Variants in TM4SF4 observed in about 807,000 individuals in gnomAD.
TM4SF4 encodes transmembrane 4 L6 family member 4.
In TM4SF4, 24 loss-of-function variants were observed where a neutral mutation model predicts 24.1. The ratio of observed to expected loss-of-function variants is 1.00; its 90% CI spans 0.72 to 1.40. TM4SF4 has a LOEUF of 1.40. Ranked by LOEUF, TM4SF4 falls within the 40% of genes most tolerant of loss-of-function variation. The pLI is 0.00. For missense variants in TM4SF4, 254 were observed against 254.2 expected (o/e 1.00, Z 0.01); for synonymous variants, 113 against 97.0 (o/e 1.17, Z -0.97).
chr3:149,487,586 G>C (rs1308895858), intron 2 of TM4SF4, 33 bp from the exon 3 acceptor site: 13 of 1,613,220 alleles, frequency 8.1e-6, no homozygotes, highest in Middle Eastern at 1.6e-4. Flanking sequence ...GGACCACCTG[G>C]AGAATGTGAC....
At chr3:149,495,083 C>A in intron 3 of TM4SF4, 1 of 257,278 alleles carries the variant, frequency 3.9e-6, no homozygotes, top group South Asian at 5.6e-5. Flanking sequence ...ATGAAACAAC[C>A]AATTGTTGGT....
At chr3:149,491,036 C>T (rs894390483) in intron 3 of TM4SF4, among the ~76,000 whole-genome samples, 1 of 151,904 alleles carries the variant, frequency 6.6e-6, no homozygotes. Context: ...TGTGCATTAT[C>T]TCACCTAATC....
At chr3:149,479,076 G>GT (rs1733985650) in intron 2 of TM4SF4, among the ~76,000 whole-genome samples, 1 of 152,116 alleles carries the variant, frequency 6.6e-6, no homozygotes, top group South Asian at 2.1e-4. Context: ...CGATTGTTCT[G>GT]TTTTTTAATC....
At chr3:149,484,041 A>G (rs755588962) in intron 2 of TM4SF4, among the ~76,000 whole-genome samples, 2 of 152,126 alleles carry the variant, frequency 1.3e-5, no homozygotes, top group Non-Finnish European at 2.9e-5. Context: ...TCAGCCTCCC[A>G]CAGTGCTGGG....
Position 149,499,782 on chromosome 3 carries a change from C to T in TM4SF4, c.591+871C>T, listed in dbSNP as rs544042475. Among the ~76,000 whole-genome samples, 176 of 152,042 alleles carry T rather than the reference C, an allele frequency of 1.2e-3. 2 individuals are homozygous for T. The highest frequency in any genetic ancestry group is 4.1e-3 in the African/African-American group (171 of 41,468). ...TCCAGCTACTCAGGAGACTGAGGCA[C>T]GAGAATCACTTGAATCTGGGAGGCA... is the stretch of plus-strand genomic sequence containing the variant. On this transcript the variant is annotated intron_variant, in intron 4 of 4. Coordinates refer to ENST00000305354, the MANE Select transcript of TM4SF4 (RefSeq NM_004617.4).
At chr3:149,477,428 T>C (rs1219301579) in intron 2 of TM4SF4, among the ~76,000 whole-genome samples, 2 of 152,264 alleles carry the variant, frequency 1.3e-5, no homozygotes. Flanking sequence ...ACCACAATAA[T>C]GAATTAACCA....
intron 3 of TM4SF4, chr3:149,495,495 TA>T (rs1014033072): frequency 4.7e-5 from 20 of 421,504 alleles, no homozygotes; most frequent in African/African-American, 3.7e-4. Flanking sequence ...ACGTTACAAC[TA>T]AAGTCTGTTG....
At position 149,475,895 on chromosome 3, in the gene TM4SF4, T is replaced by C. The variant is rs1370956008; in HGVS notation, c.247T>C (p.Cys83Arg). Residue 83 changes from cysteine to arginine, a missense_variant, in exon 2 of 5, where the codon TGT becomes CGT. Transcript: ENST00000305354. ...CTGTGGGTGCTGCGGCAACGAGGGC[T>C]GTGGGAAGCGATTTGCGGTGAGTTA... ...DCCGCCGNEGCGKRFAMFTST... is the reference protein window; with the variant it reads ...DCCGCCGNEGRGKRFAMFTST... The C allele has an allele frequency of 1.9e-6, 3 of 1,612,868 alleles. No individual in the cohort carries two copies. Among genetic ancestry groups the C allele is most frequent in the South Asian group, 2.2e-5 (2 of 90,658 alleles).
intron 4 of TM4SF4, among the ~76,000 whole-genome samples, chr3:149,501,944 A>G (rs149564002): frequency 3.0e-4 from 46 of 152,350 alleles, no homozygotes; most frequent in Non-Finnish European, 5.7e-4. Context: ...CCCAGTCAGT[A>G]GCCCTCAACT....
chr3:149,483,200 A>G (rs1030878975), intron 2 of TM4SF4, among the ~76,000 whole-genome samples: 5 of 152,178 alleles, frequency 3.3e-5, no homozygotes, highest in African/African-American at 1.2e-4. Context: ...CCTAAGTGTA[A>G]GATTTCTCTT....
chr3:149,475,132 A>G (rs1235135797), intron 1 of TM4SF4, 81 bp downstream of exon 1: 5 of 1,423,072 alleles, frequency 3.5e-6, no homozygotes, highest in Non-Finnish European at 4.7e-6. Flanking sequence ...CTTATTGAAC[A>G]GGGAGATATT....
intron 4 of TM4SF4, among the ~76,000 whole-genome samples, chr3:149,499,685 C>A (rs535304984): frequency 6.6e-6 from 1 of 151,950 alleles, no homozygotes; most frequent in Non-Finnish European, 1.5e-5. Context: ...TATGGTAAAA[C>A]TTTAAAAGAC....
chr3:149,482,782 G>A lies in TM4SF4; in HGVS notation c.265-4837G>A, dbSNP rs144621340. Among the ~76,000 whole-genome samples the A allele has an allele frequency of 2.0e-3, 311 of 152,252 alleles. 1 individual carries two copies. Among genetic ancestry groups the A allele is most frequent in the African/African-American group, 7.1e-3 (296 of 41,546 alleles). Reference sequence around the variant, plus strand: ...TGGTCTCGAACTCCTGGGCTCAAGCGGTCTGCCAGCTTTGGCCTCCCAAAG... The same window carrying A: ...TGGTCTCGAACTCCTGGGCTCAAGCAGTCTGCCAGCTTTGGCCTCCCAAAG... On this transcript the variant is annotated intron_variant, in intron 2 of 4. Transcript: ENST00000305354.
intron 3 of TM4SF4, among the ~76,000 whole-genome samples, 179 bp from the exon 4 acceptor site, chr3:149,498,543 G>A: frequency 6.6e-6 from 1 of 152,176 alleles, no homozygotes; most frequent in Admixed American, 6.5e-5. Flanking sequence ...GGCACACAGG[G>A]TGTACTCAAT....
chr3:149,495,595 T>C, intron 3 of TM4SF4: 1 of 349,310 alleles, frequency 2.9e-6, no homozygotes, highest in South Asian at 3.0e-5. Context: ...AATGGCAACA[T>C]TGCTGGTAAC....
In TM4SF4 at chr3:149,474,794, C is replaced by G; in HGVS notation, c.-84C>G. 2.1e-6 allele frequency: 3 copies of G among 1,434,764 alleles called. No homozygotes were observed. The highest frequency in any genetic ancestry group is 2.8e-6 in the Non-Finnish European group (3 of 1,068,754). The allele number at this position is 1,434,764 out of a possible 1,614,324, so 88.9% of individuals were successfully genotyped here. A position where few individuals can be genotyped will look rare whatever the true frequency, so the allele number is the denominator to read the frequency against. ...TGAATTGGAGACAATTACAAGGACTCTCTGGCCAAAAACCCTTGAAGAGGC... is the reference window on the plus strand; with the variant it reads ...TGAATTGGAGACAATTACAAGGACTGTCTGGCCAAAAACCCTTGAAGAGGC... On this transcript the variant is annotated 5_prime_UTR_variant, in exon 1 of 5. Coordinates refer to ENST00000305354, the MANE Select transcript of TM4SF4 (RefSeq NM_004617.4).
chr3:149,496,943 G>T (rs1734322364), intron 3 of TM4SF4, among the ~76,000 whole-genome samples: 1 of 152,028 alleles, frequency 6.6e-6, no homozygotes, highest in African/African-American at 2.4e-5. Context: ...GGAAGCCAAG[G>T]TGGGAGGACT....
intron 2 of TM4SF4, among the ~76,000 whole-genome samples, chr3:149,485,269 T>C (rs1734096488): frequency 6.6e-6 from 1 of 152,226 alleles, no homozygotes; most frequent in Non-Finnish European, 1.5e-5. Context: ...AGTTATGTAA[T>C]CCAGCAATTC....
intron 4 of TM4SF4, among the ~76,000 whole-genome samples, chr3:149,502,373 T>C (rs1470059340): frequency 1.3e-5 from 2 of 152,066 alleles, no homozygotes; most frequent in South Asian, 2.1e-4. Context: ...CCAAAAGCTA[T>C]TGAAATTTAA....
Sources: allele counts gnomAD v4.1 joint callset (sites outside exome capture counted in the v4.1 genomes callset), GRCh38; gene constraint gnomAD v4.1.1; transcripts MANE v1.5; gene names NCBI Gene and HGNC (gene_info 2026-07-23, HGNC 2026-07-21).